Variants in LHFPL2 observed in about 807,000 individuals in gnomAD.
LHFPL2 encodes the protein LHFPL tetraspan subfamily member 2 protein.
In LHFPL2, 7 loss-of-function variants were observed where a neutral mutation model predicts 17.5. The observed-to-expected ratio is 0.40, with a 90% CI of 0.23 to 0.75. LHFPL2 has a LOEUF of 0.75. Ranked by LOEUF, LHFPL2 falls within the 30% of genes least tolerant of loss-of-function variation. The probability of loss-of-function intolerance (pLI) is 0.37; values close to 1 mark genes in which losing one functional copy is unlikely to be tolerated. For synonymous variants in LHFPL2, 134 were observed against 116.2 expected, an observed-to-expected ratio of 1.15 and a Z score of -0.99; for missense variants, 241 against 294.8, an observed-to-expected ratio of 0.82 and a Z score of 1.34.
In LHFPL2 at chr5:78,648,109, G is replaced by T. The variant is rs1745951218; in HGVS notation, c.-350+390C>A. ...GCCCCCAGGGAGCGGTGCCAGGCGC[G>T]CTGGAACCCGGCGCCCAGCTGCGCC... On this transcript the variant is annotated intron_variant, in intron 1 of 4. Transcript: ENST00000380345. This position sits in a 1 kb window ranked among gnomAD's most constrained non-coding sequence, Gnocchi z 5.4. Among the ~76,000 whole-genome samples, 1 of 152,178 alleles carries T rather than the reference G, an allele frequency of 6.6e-6. No homozygotes were observed.
chr5:78,593,561 A>AC (rs1743720825), intron 2 of LHFPL2, among the ~76,000 whole-genome samples: 1 of 152,188 alleles, frequency 6.6e-6, no homozygotes, highest in African/African-American at 2.4e-5. Context: ...TTTATGATAT[A>AC]CCATTGTGAC....
intron 2 of LHFPL2, among the ~76,000 whole-genome samples, chr5:78,566,168 TAATCA>T (rs941694495): frequency 1.3e-5 from 2 of 152,208 alleles, no homozygotes; most frequent in African/African-American, 4.8e-5. Context: ...TTATTTTCTA[TAATCA>T]AATTTTCAAA....
Position 78,645,468 on chromosome 5 carries a change from C to T in LHFPL2, c.-350+3031G>A, listed in dbSNP as rs548678787. Among the ~76,000 whole-genome samples the T allele has an allele frequency of 5.3e-5, 8 of 151,736 alleles. 1 individual carries two copies. In the East Asian group the frequency reaches 1.6e-3, roughly 29 times the overall value. On this transcript the variant is annotated intron_variant, in intron 1 of 4. Transcript: ENST00000380345. Reference sequence around the variant, plus strand: ...TATTGTGCTAAGAATGTCTTCAGTTCACTTTTCTCTTGGGCACAATCTTAG... The same window carrying T: ...TATTGTGCTAAGAATGTCTTCAGTTTACTTTTCTCTTGGGCACAATCTTAG...
intron 2 of LHFPL2, among the ~76,000 whole-genome samples, chr5:78,577,676 C>T (rs1458493907): frequency 6.6e-6 from 1 of 152,098 alleles, no homozygotes; most frequent in African/African-American, 2.4e-5. Context: ...CTCCACAGCT[C>T]CTAAAAGGAG....
chr5:78,542,500 T>G (rs1453170209), intron 3 of LHFPL2, among the ~76,000 whole-genome samples: 2 of 152,204 alleles, frequency 1.3e-5, no homozygotes, highest in Non-Finnish European at 2.9e-5. Flanking sequence ...CTGACAGAGC[T>G]GAGCCTTCCC....
intron 3 of LHFPL2, among the ~76,000 whole-genome samples, chr5:78,520,828 G>GC (rs1755434291): frequency 6.7e-6 from 1 of 150,128 alleles, no homozygotes; most frequent in African/African-American, 2.5e-5. Context: ...CTACAAATGA[G>GC]GCCCCCCTGC....
chr5:78,486,631 T>C lies in LHFPL2; in HGVS notation c.*2266A>G, dbSNP rs1487690879. The C allele has an allele frequency of 6.6e-6, 1 of 152,284 alleles. No individual in the cohort carries two copies. Among genetic ancestry groups the C allele is most frequent in the African/African-American group, 2.4e-5 (1 of 41,444 alleles). 9.4% of individuals were successfully genotyped at this position (152,284 alleles called of 1,614,324 possible). On this transcript the variant is annotated 3_prime_UTR_variant, in exon 5 of 5. Transcript: ENST00000380345. ...TTTTAGTGGTTTGGGGTTCTGTGTG[T>C]GTGCATGCCTGTGCTTTTGTCTTCT...
At chr5:78,636,667 G>A (rs989621476) in intron 1 of LHFPL2, among the ~76,000 whole-genome samples, 1 of 152,168 alleles carries the variant, frequency 6.6e-6, no homozygotes, top group Non-Finnish European at 1.5e-5. Flanking sequence ...ACCAAAGTAG[G>A]AAAGAGTGGG....
At chr5:78,552,182 G>A (rs1446198879) in intron 3 of LHFPL2, among the ~76,000 whole-genome samples, 1 of 149,176 alleles carries the variant, frequency 6.7e-6, no homozygotes, top group African/African-American at 2.5e-5. Flanking sequence ...TGCCCAGGCT[G>A]GAGTGCAGTG....
intron 3 of LHFPL2, among the ~76,000 whole-genome samples, chr5:78,545,954 A>C (rs1284990866): frequency 2.6e-5 from 4 of 152,318 alleles, no homozygotes; most frequent in Admixed American, 2.6e-4. Flanking sequence ...TGAAATGAAG[A>C]AACTAAGATA....
chr5:78,569,595 G>A (rs1756943844), intron 2 of LHFPL2, among the ~76,000 whole-genome samples: 1 of 152,178 alleles, frequency 6.6e-6, no homozygotes, highest in Non-Finnish European at 1.5e-5. Flanking sequence ...AAGGATTGCT[G>A]AACCTTGCAA....
At chr5:78,556,806 C>T (rs1756582528) in intron 3 of LHFPL2, among the ~76,000 whole-genome samples, 1 of 151,996 alleles carries the variant, frequency 6.6e-6, no homozygotes, top group South Asian at 2.1e-4. Context: ...AAAGAATGTA[C>T]AAAAAGGGAT....
chr5:78,585,568 C>T (rs1347761417), intron 2 of LHFPL2, among the ~76,000 whole-genome samples: 1 of 152,172 alleles, frequency 6.6e-6, no homozygotes, highest in Non-Finnish European at 1.5e-5. Flanking sequence ...CACCCGTCTT[C>T]TGCGTCGCTC....
At chr5:78,502,790 C>A (rs1201485012) in intron 4 of LHFPL2, among the ~76,000 whole-genome samples, 2 of 152,152 alleles carry the variant, frequency 1.3e-5, no homozygotes, top group Non-Finnish European at 2.9e-5. Context: ...TAAATAATTC[C>A]TACTACAGCA....
At chr5:78,607,204 C>T (rs1744248097) in intron 2 of LHFPL2, among the ~76,000 whole-genome samples, 1 of 152,044 alleles carries the variant, frequency 6.6e-6, no homozygotes, top group Non-Finnish European at 1.5e-5. Context: ...TCTCTGCCTC[C>T]CAGGTTCAAG....
chr5:78,516,265 T>C (rs543028132), intron 3 of LHFPL2, among the ~76,000 whole-genome samples: 1 of 152,270 alleles, frequency 6.6e-6, no homozygotes, highest in Middle Eastern at 3.4e-3. Context: ...CTAAACATGC[T>C]CAAGACCTCC....
chr5:78,626,684 C>T (rs1745045355), intron 2 of LHFPL2: 1 of 152,126 alleles, frequency 6.6e-6, no homozygotes, highest in Non-Finnish European at 1.5e-5. Flanking sequence ...TTTGTATAAG[C>T]ACGATACGAA....
chr5:78,646,857 T>C (rs1745901764), intron 1 of LHFPL2, among the ~76,000 whole-genome samples: 1 of 152,182 alleles, frequency 6.6e-6, no homozygotes, highest in Non-Finnish European at 1.5e-5. Flanking sequence ...CTGGTTCACA[T>C]ATCATGACTC....
chr5:78,627,594 C>A (rs1343772718), intron 2 of LHFPL2, among the ~76,000 whole-genome samples: 1 of 152,184 alleles, frequency 6.6e-6, no homozygotes, highest in Non-Finnish European at 1.5e-5. Context: ...AGATTCCCCA[C>A]TTCCCTACAA....
Sources: allele counts gnomAD v4.1 joint callset (sites outside exome capture counted in the v4.1 genomes callset), GRCh38; gene constraint gnomAD v4.1.1; non-coding constraint Gnocchi (gnomAD v3.1); transcripts MANE v1.5; gene names NCBI Gene and HGNC (gene_info 2026-07-23, HGNC 2026-07-21).